Variants in AGO3 observed in about 807,000 individuals in gnomAD.
AGO3 encodes protein argonaute-3.
In AGO3, 16 loss-of-function variants were observed where a neutral mutation model predicts 105.5. The observed-to-expected ratio is 0.15, with a 90% CI of 0.10 to 0.23. The LOEUF (loss-of-function observed/expected upper bound fraction) is 0.23, where lower values mean the gene tolerates loss of function less well. Ranked by LOEUF, AGO3 falls within the 10% of genes least tolerant of loss-of-function variation. The pLI is 1.00. For synonymous variants in AGO3, 340 were observed against 367.3 expected (o/e 0.93, Z 0.85); for missense variants, 534 against 1,088.0 (o/e 0.49, Z 7.16).
chr1:35,957,117 A>T (rs1646582023), intron 2 of AGO3, among the ~76,000 whole-genome samples: 1 of 152,160 alleles, frequency 6.6e-6, no homozygotes, highest in African/African-American at 2.4e-5. Flanking sequence ...TGGGAGGCCA[A>T]GGTGGGCAGA....
rs1642195944 is a variant in AGO3 at position 36,040,451 on chromosome 1, C to T, written c.2172+10C>T. On this transcript the variant is annotated intron_variant, in intron 16 of 18. Transcript: ENST00000373191. ...TGATAGGACAGAAAGGGTAATCTCA[C>T]CTCTGTTGTAATACTGTTATAAACC... 1.9e-6 allele frequency: 3 copies of T among 1,613,848 alleles called. No homozygotes were observed. Among genetic ancestry groups the T allele is most frequent in the East Asian group, 2.2e-5 (1 of 44,828 alleles).
intron 12 of AGO3, among the ~76,000 whole-genome samples, chr1:36,029,657 A>G (rs1459149127): frequency 6.7e-6 from 1 of 148,808 alleles, no homozygotes; most frequent in Non-Finnish European, 1.5e-5. Context: ...CAGCCTCCCA[A>G]AGTGCTGGGA....
chr1:35,931,476 ATGT>A (rs1356790786), intron 1 of AGO3, 31 bp downstream of exon 1: 1 of 1,470,984 alleles, frequency 6.8e-7, no homozygotes, highest in Non-Finnish European at 9.0e-7. Context: ...CAGGTAGGGG[ATGT>A]CACCCAGCTA....
chr1:35,945,535 G>A (rs1646347674), intron 1 of AGO3, among the ~76,000 whole-genome samples, 157 bp from the exon 2 acceptor site: 1 of 152,144 alleles, frequency 6.6e-6, no homozygotes, highest in Admixed American at 6.5e-5. Context: ...AGGAAATCTG[G>A]GGTGACAGAA....
chr1:35,989,331 A>G (rs1364460318), intron 5 of AGO3, among the ~76,000 whole-genome samples: 1 of 152,210 alleles, frequency 6.6e-6, no homozygotes, highest in African/African-American at 2.4e-5. Flanking sequence ...AACTTGCTGT[A>G]TTTTACCAAT....
rs929576536 is a variant in AGO3, at chr1:36,060,120, TGGAAG to T, written c.*4377_*4381del. ...TTCTAGTAGGAATTACTGAGTGTTT[TGGAAG>T]GCACTTGATAGAGGCATCTCTGCTT... On this transcript the variant is annotated 3_prime_UTR_variant, in exon 19 of 19. Transcript: ENST00000373191. 11 of 152,218 alleles carry T rather than the reference TGGAAG, an allele frequency of 7.2e-5. No individual in the cohort carries two copies. Among genetic ancestry groups the T allele is most frequent in the African/African-American group, 2.7e-4 (11 of 41,454 alleles). 9.4% of individuals were successfully genotyped at this position (152,218 alleles called of 1,614,324 possible).
chr1:36,055,540 A>T lies in AGO3; in HGVS notation c.2475-97A>T. Reference sequence around the variant, plus strand: ...TTGTTACACCAGTCTCTTATTTGTTAATAATTTTGAAATTTTCTACAACAA... The same window carrying T: ...TTGTTACACCAGTCTCTTATTTGTTTATAATTTTGAAATTTTCTACAACAA... On this transcript the variant is annotated intron_variant, in intron 18 of 18. Coordinates refer to ENST00000373191, the MANE Select transcript of AGO3 (RefSeq NM_024852.4). The surrounding 1 kb of genome is among the most constrained non-coding windows in gnomAD (Gnocchi z 4.4). The T allele has an allele frequency of 8.7e-7, 1 of 1,153,056 alleles. No individual in the cohort carries two copies. Among genetic ancestry groups the T allele is most frequent in the Non-Finnish European group, 1.3e-6 (1 of 778,566 alleles). 71.4% of individuals were successfully genotyped at this position (1,153,056 alleles called of 1,614,324 possible). A position where few individuals can be genotyped will look rare whatever the true frequency, so the allele number is the denominator to read the frequency against.
intron 2 of AGO3, among the ~76,000 whole-genome samples, 192 bp downstream of exon 2, chr1:35,946,055 T>G (rs1309830223): frequency 6.6e-6 from 1 of 152,242 alleles, no homozygotes; most frequent in Non-Finnish European, 1.5e-5. Flanking sequence ...TATTTTGTTA[T>G]AACACGAGCT....
chr1:36,000,021 T>A (rs1569707249), intron 5 of AGO3, among the ~76,000 whole-genome samples: 1 of 152,270 alleles, frequency 6.6e-6, no homozygotes, highest in Non-Finnish European at 1.5e-5. Context: ...AATAAGAGTA[T>A]TTGCTTCAGT....
rs985937006 is a variant in AGO3 at position 36,070,966 on chromosome 1, CGTAT to C, written c.*15224_*15227del. 2.0e-5 allele frequency: 3 copies of C among 151,992 alleles called. No individual in the cohort carries two copies. The highest frequency in any genetic ancestry group is 2.0e-4 in the Admixed American group (3 of 15,252). 9.4% of individuals were successfully genotyped at this position (151,992 alleles called of 1,614,324 possible). A position where few individuals can be genotyped will look rare whatever the true frequency, so the allele number is the denominator to read the frequency against. ...ATAGGCTTTGGGAAGCAGTGGTGTG[CGTAT>C]GTGTGTCTATATCAATATTTTATGT... is the stretch of plus-strand genomic sequence containing the variant. On this transcript the variant is annotated 3_prime_UTR_variant, in exon 19 of 19. Coordinates refer to ENST00000373191, the MANE Select transcript of AGO3 (RefSeq NM_024852.4).
intron 1 of AGO3, among the ~76,000 whole-genome samples, chr1:35,944,135 C>T (rs1646313240): frequency 6.6e-6 from 1 of 152,098 alleles, no homozygotes; most frequent in East Asian, 1.9e-4. Flanking sequence ...CATGGCAATT[C>T]TGTTTTTCAT....
At chr1:36,006,961 G>C (rs1640363341) in intron 6 of AGO3, among the ~76,000 whole-genome samples, 1 of 152,156 alleles carries the variant, frequency 6.6e-6, no homozygotes, top group African/African-American at 2.4e-5. Context: ...ACCATAGCAG[G>C]CATTCTCAAC....
chr1:36,056,268 GAT>G lies in AGO3; in HGVS notation c.*530_*531del, dbSNP rs1051562326. 6.6e-6 allele frequency: 1 copy of G among 152,360 alleles called. No individual in the cohort carries two copies. The highest frequency in any genetic ancestry group is 1.5e-5 in the Non-Finnish European group (1 of 68,078). 9.4% of individuals were successfully genotyped at this position (152,360 alleles called of 1,614,324 possible). On this transcript the variant is annotated 3_prime_UTR_variant, in exon 19 of 19. Coordinates refer to ENST00000373191, the MANE Select transcript of AGO3 (RefSeq NM_024852.4). ...TATATCTAGATCTGGATTGATAATAGATATATATGTGTCTGTTATATATTTTA... is the reference window on the plus strand; with the variant it reads ...TATATCTAGATCTGGATTGATAATAGATATATGTGTCTGTTATATATTTTA...
At chr1:35,947,136 G>A (rs193021972) in intron 2 of AGO3, among the ~76,000 whole-genome samples, 3 of 152,088 alleles carry the variant, frequency 2.0e-5, no homozygotes, top group East Asian at 1.9e-4. Context: ...TTTGAAGGAA[G>A]GATAGCAGTA....
chr1:35,962,110 A>T (rs1343078954), intron 2 of AGO3, among the ~76,000 whole-genome samples: 1 of 152,200 alleles, frequency 6.6e-6, no homozygotes, highest in Non-Finnish European at 1.5e-5. Context: ...TTAATTACTT[A>T]CTATATGTAG....
At chr1:36,003,709 A>AAAATATATATATAT (rs1295618675) in intron 5 of AGO3, among the ~76,000 whole-genome samples, 5 of 99,430 alleles carry the variant, frequency 5.0e-5, no homozygotes, top group South Asian at 7.6e-4. Flanking sequence ...AAAAAAAAAA[A>AAAATATATATATAT]ATATATATAT....
chr1:36,040,179 TA>T, intron 15 of AGO3, 127 bp from the exon 16 acceptor site: 1 of 1,203,704 alleles, frequency 8.3e-7, no homozygotes. Flanking sequence ...TAATAATCGT[TA>T]AAATGGAATC....
intron 5 of AGO3, among the ~76,000 whole-genome samples, chr1:35,981,764 A>C (rs1647057018): frequency 6.6e-6 from 1 of 151,574 alleles, no homozygotes; most frequent in South Asian, 2.1e-4. Flanking sequence ...TCCTTTCCTT[A>C]CCTCCTTCTG....
At chr1:35,932,593 A>T (rs1209468421) in intron 1 of AGO3, among the ~76,000 whole-genome samples, 6 of 150,832 alleles carry the variant, frequency 4.0e-5, no homozygotes, top group African/African-American at 1.5e-4. Flanking sequence ...TGTTACATGG[A>T]AGTTTCTCTA....
Sources: gnomAD v4.1 joint callset for allele counts (sites outside exome capture counted in the v4.1 genomes callset) on GRCh38, gnomAD v4.1.1 for gene constraint, Gnocchi (gnomAD v3.1) non-coding constraint, MANE v1.5 for transcripts, NCBI Gene and HGNC (gene_info 2026-07-23, HGNC 2026-07-21) for gene names.